Variants in CCDC192 observed in about 807,000 individuals in gnomAD.
CCDC192 encodes the protein coiled-coil domain containing 192.
At chr5:127,769,914 G>T (rs1409450464) in intron 3 of CCDC192, among the ~76,000 whole-genome samples, 1 of 152,108 alleles carries the variant, frequency 6.6e-6, no homozygotes, top group Non-Finnish European at 1.5e-5. Context: ...TTTTTCCATA[G>T]TGAGAGAAAG....
At chr5:127,888,131 G>A (rs1042139589) in intron 6 of CCDC192, among the ~76,000 whole-genome samples, 1 of 151,672 alleles carries the variant, frequency 6.6e-6, no homozygotes, top group Admixed American at 6.6e-5. Flanking sequence ...TAAAAGTCAG[G>A]ACAGCCGGGT....
intron 3 of CCDC192, among the ~76,000 whole-genome samples, chr5:127,795,035 G>A (rs1259975771): frequency 1.3e-5 from 2 of 152,106 alleles, no homozygotes; most frequent in Admixed American, 1.3e-4. Context: ...GCTTACACCT[G>A]TAACCCCAGC....
At position 127,811,576 on chromosome 5, in the gene CCDC192, G is replaced by A. The variant is rs991095038; in HGVS notation, c.411+13414G>A. 4.6e-5 allele frequency among the ~76,000 whole-genome samples: 7 copies of A among 152,046 alleles called. No homozygotes were observed. In the South Asian group the frequency reaches 6.2e-4, roughly 14 times the overall value. On this transcript the variant is annotated intron_variant, in intron 5 of 6. Transcript: ENST00000514853. The stretch of plus-strand genomic sequence containing the variant: ...TGATATATTTTTATTTATTTTGTTC[G>A]CGAATGTGAAGAAATACTAAAATTA...
At chr5:127,731,069 C>A (rs1434585847) in intron 2 of CCDC192, among the ~76,000 whole-genome samples, 1 of 152,130 alleles carries the variant, frequency 6.6e-6, no homozygotes, top group Non-Finnish European at 1.5e-5. Context: ...GGGAGGAAGC[C>A]AAACTGTCTC....
At chr5:127,931,712 C>G (rs561252296) in intron 6 of CCDC192, among the ~76,000 whole-genome samples, 6 of 152,056 alleles carry the variant, frequency 3.9e-5, no homozygotes, top group Admixed American at 1.3e-4. Flanking sequence ...AGCAGAATTT[C>G]AAGGATGAGA....
chr5:127,908,444 T>G (rs1753258275), intron 6 of CCDC192, among the ~76,000 whole-genome samples: 1 of 152,200 alleles, frequency 6.6e-6, no homozygotes, highest in South Asian at 2.1e-4. Context: ...ATTCTTAAAG[T>G]AATACTATAA....
intron 2 of CCDC192, among the ~76,000 whole-genome samples, chr5:127,720,259 A>G (rs1328590269): frequency 6.6e-6 from 1 of 152,224 alleles, no homozygotes; most frequent in African/African-American, 2.4e-5. Context: ...CTAAAAGGGA[A>G]AAAATCAGCC....
chr5:127,729,877 A>G (rs1436755104), intron 2 of CCDC192, among the ~76,000 whole-genome samples: 3 of 152,216 alleles, frequency 2.0e-5, no homozygotes, highest in African/African-American at 7.2e-5. Flanking sequence ...AGTAGTGTTA[A>G]GAGGGAAATT....
intron 2 of CCDC192, among the ~76,000 whole-genome samples, chr5:127,723,996 TG>T (rs947320034): frequency 1.6e-4 from 24 of 152,304 alleles, no homozygotes; most frequent in African/African-American, 5.8e-4. Flanking sequence ...TTCAGAGAAA[TG>T]GAGGGTTTTT....
At chr5:127,887,862 C>A (rs973254706) in intron 6 of CCDC192, among the ~76,000 whole-genome samples, 1 of 151,836 alleles carries the variant, frequency 6.6e-6, no homozygotes, top group East Asian at 2.0e-4. Flanking sequence ...CACCACCATG[C>A]CCGACTAATT....
intron 6 of CCDC192, among the ~76,000 whole-genome samples, chr5:127,877,380 G>C (rs1752126295): frequency 6.6e-6 from 1 of 151,096 alleles, no homozygotes; most frequent in African/African-American, 2.4e-5. Flanking sequence ...TACCTGTATA[G>C]AAAAACATGG....
chr5:127,833,679 G>A (rs1343609000), intron 5 of CCDC192, among the ~76,000 whole-genome samples: 1 of 152,092 alleles, frequency 6.6e-6, no homozygotes, highest in East Asian at 1.9e-4. Context: ...ACCTGTTTGT[G>A]CTCCTAGAAT....
intron 5 of CCDC192, among the ~76,000 whole-genome samples, chr5:127,800,387 A>C (rs1317681935): frequency 4.4e-5 from 6 of 136,844 alleles, no homozygotes; most frequent in Non-Finnish European, 8.1e-5. Context: ...AAAAAAAAAA[A>C]AAAAAAAAAA....
chr5:127,865,602 G>A (rs1340887029), intron 5 of CCDC192, among the ~76,000 whole-genome samples: 4 of 150,462 alleles, frequency 2.7e-5, no homozygotes, highest in Non-Finnish European at 5.9e-5. Flanking sequence ...TTCAGTATTG[G>A]AAACATGGTT....
intron 2 of CCDC192, among the ~76,000 whole-genome samples, chr5:127,750,188 T>G (rs1010059875): frequency 5.3e-5 from 8 of 152,176 alleles, no homozygotes; most frequent in Non-Finnish European, 1.2e-4. Context: ...CTTTTCTAGT[T>G]CTTTTAATTG....
intron 6 of CCDC192, among the ~76,000 whole-genome samples, chr5:127,882,288 T>C (rs1752387868): frequency 6.6e-6 from 1 of 152,250 alleles, no homozygotes; most frequent in Non-Finnish European, 1.5e-5. Context: ...TCCTACATTC[T>C]TGAGAAAGTC....
chr5:127,733,064 A>G (rs1752734166), intron 2 of CCDC192, among the ~76,000 whole-genome samples: 1 of 152,182 alleles, frequency 6.6e-6, no homozygotes, highest in African/African-American at 2.4e-5. Context: ...CAGATCAATT[A>G]AAAATTCTCT....
chr5:127,858,767 T>C (rs1024167410), intron 5 of CCDC192, among the ~76,000 whole-genome samples: 4 of 152,158 alleles, frequency 2.6e-5, no homozygotes, highest in African/African-American at 9.7e-5. Context: ...CATATGACCA[T>C]TGCACAGCTA....
At chr5:127,767,006 C>A (rs77046607) in intron 3 of CCDC192, among the ~76,000 whole-genome samples, 178 of 152,264 alleles carry the variant, frequency 1.2e-3, no homozygotes, top group African/African-American at 4.1e-3. Flanking sequence ...AGCCTAAACC[C>A]ATCAAAGAGA....
Sources: gnomAD v4.1 joint callset for allele counts (sites outside exome capture counted in the v4.1 genomes callset) on GRCh38, gnomAD v4.1.1 for gene constraint, MANE v1.5 for transcripts, NCBI Gene and HGNC (gene_info 2026-07-23, HGNC 2026-07-21) for gene names.